ZNF438: variants seen among roughly 807,000 people sequenced by gnomAD.
ZNF438 encodes zinc finger protein 438.
ZNF438 carries 25 observed loss-of-function variants against 38.0 expected under a neutral mutation model. The observed-to-expected ratio is 0.66, with a 90% CI of 0.48 to 0.92. The LOEUF is 0.92. Ranked by LOEUF, ZNF438 falls within the 40% of genes least tolerant of loss-of-function variation. ZNF438 has a pLI of 0.00. For synonymous variants in ZNF438, 372 were observed against 364.1 expected (o/e 1.02, Z -0.25); for missense variants, 1,007 against 999.6 (o/e 1.01, Z -0.10).
chr10:30,911,588 T>C (rs972231582), intron 2 of ZNF438, among the ~76,000 whole-genome samples: 1 of 152,026 alleles, frequency 6.6e-6, no homozygotes, highest in Admixed American at 6.6e-5. Context: ...TCCTACAAAT[T>C]CTCATCTCCT....
At chr10:30,956,513 C>G (rs1288055892) in intron 1 of ZNF438, among the ~76,000 whole-genome samples, 1 of 152,164 alleles carries the variant, frequency 6.6e-6, no homozygotes, top group Non-Finnish European at 1.5e-5. Flanking sequence ...ACTTATTCCT[C>G]CTATGTGACT....
At chr10:30,952,921 T>C (rs1170741483) in intron 1 of ZNF438, among the ~76,000 whole-genome samples, 2 of 26,686 alleles carry the variant, frequency 7.5e-5, no homozygotes, top group African/African-American at 3.1e-4. Flanking sequence ...CAAAGGACTA[T>C]AAATCATGCT....
intron 1 of ZNF438, among the ~76,000 whole-genome samples, chr10:30,997,470 C>T (rs1244650053): frequency 6.6e-6 from 1 of 151,974 alleles, no homozygotes; most frequent in African/African-American, 2.4e-5. Flanking sequence ...TTCTAAGAGG[C>T]AGAAAGGAAT....
chr10:30,953,861 A>G (rs1312123916), intron 1 of ZNF438, among the ~76,000 whole-genome samples: 1 of 152,170 alleles, frequency 6.6e-6, no homozygotes, highest in African/African-American at 2.4e-5. Flanking sequence ...AAGACAAAAT[A>G]GGCCGGGCAC....
chr10:30,967,142 C>T (rs2050208892), intron 1 of ZNF438, among the ~76,000 whole-genome samples: 1 of 152,180 alleles, frequency 6.6e-6, no homozygotes, highest in Non-Finnish European at 1.5e-5. Context: ...GCTGCTGACC[C>T]ATTCTTATGC....
rs1403813814 is a variant in ZNF438, at chr10:30,971,863, C to T, written c.-191-30212G>A. Among the ~76,000 whole-genome samples the T allele has an allele frequency of 5.9e-5, 9 of 152,200 alleles. No homozygotes were observed. The East Asian group carries it at 1.7e-3, about 29-fold the overall frequency. On this transcript the variant is annotated intron_variant, in intron 1 of 5. Transcript: ENST00000413025. ...AGGTGCAAAGAGGCTTTCAAAGTCT[C>T]GGAAGCCATAAATCAAAACAGTTTC...
At chr10:30,868,497 G>A (rs2036851720) in intron 4 of ZNF438, among the ~76,000 whole-genome samples, 3 of 151,898 alleles carry the variant, frequency 2.0e-5, no homozygotes, top group Admixed American at 2.0e-4. Context: ...AATGTTTTTA[G>A]GATTTTGTTG....
At chr10:30,856,678 A>ACTACC (rs966406558) in intron 4 of ZNF438, among the ~76,000 whole-genome samples, 2 of 152,220 alleles carry the variant, frequency 1.3e-5, no homozygotes, top group Non-Finnish European at 2.9e-5. Flanking sequence ...ATCCTGCACA[A>ACTACC]CTACCCGTAA....
intron 3 of ZNF438, among the ~76,000 whole-genome samples, chr10:30,879,852 T>C (rs1196861429): frequency 6.6e-6 from 1 of 151,870 alleles, no homozygotes; most frequent in East Asian, 1.9e-4. Flanking sequence ...TTTAAGAAGA[T>C]TAACATACCA....
exon 1 of ZNF438, chr10:31,031,839 C>T (rs540209585): frequency 3.3e-5 from 5 of 152,762 alleles, no homozygotes; most frequent in African/African-American, 1.2e-4. Flanking sequence ...TTACAGTTTT[C>T]CTACAGCGTG....
chr10:30,974,092 T>C (rs1203266250), intron 1 of ZNF438, among the ~76,000 whole-genome samples: 2 of 152,200 alleles, frequency 1.3e-5, no homozygotes, highest in African/African-American at 4.8e-5. Flanking sequence ...ACCCTCAATT[T>C]TGAGACACAC....
At position 30,863,747 on chromosome 10, in the gene ZNF438, C is replaced by T. The variant is rs114911329; in HGVS notation, c.37+13251G>A. 8.9e-3 allele frequency among the ~76,000 whole-genome samples: 1,357 copies of T among 152,272 alleles called. 21 individuals are homozygous for T. Among genetic ancestry groups the T allele is most frequent in the African/African-American group, 0.03 (1,256 of 41,540 alleles). On this transcript the variant is annotated intron_variant, in intron 4 of 5. Transcript: ENST00000413025. Reference sequence around the variant, plus strand: ...TAGATCCTCCCATTCCAGAGCCGGCCTCCTGGCTGAGCATCCACACGCACT... The same window carrying T: ...TAGATCCTCCCATTCCAGAGCCGGCTTCCTGGCTGAGCATCCACACGCACT...
intron 1 of ZNF438, among the ~76,000 whole-genome samples, chr10:31,021,837 T>C (rs892298883): frequency 6.6e-6 from 1 of 152,188 alleles, no homozygotes; most frequent in South Asian, 2.1e-4. Context: ...AGGAACATCA[T>C]TGGCCTGCCA....
intron 1 of ZNF438, among the ~76,000 whole-genome samples, chr10:31,009,083 G>A (rs560252488): frequency 2.6e-4 from 39 of 152,276 alleles, no homozygotes; most frequent in African/African-American, 7.9e-4. Context: ...ATTTAGATCC[G>A]TTGCCCATTT....
chr10:30,878,974 G>A (rs2038855365), intron 3 of ZNF438, among the ~76,000 whole-genome samples: 1 of 152,152 alleles, frequency 6.6e-6, no homozygotes, highest in African/African-American at 2.4e-5. Context: ...ATTGCAATGA[G>A]CCCTATTGAA....
At chr10:30,979,169 C>CACCTAGTCACCCAACAGCTCTA (rs1169184103) in intron 1 of ZNF438, among the ~76,000 whole-genome samples, 1 of 152,190 alleles carries the variant, frequency 6.6e-6, no homozygotes, top group Non-Finnish European at 1.5e-5. Flanking sequence ...AATGAAAATG[C>CACCTAGTCACCCAACAGCTCTA]ACCTAGTCAC....
chr10:30,949,374 T>G (rs968703283), intron 1 of ZNF438, among the ~76,000 whole-genome samples: 1 of 152,154 alleles, frequency 6.6e-6, no homozygotes, highest in African/African-American at 2.4e-5. Context: ...AACATCATCA[T>G]GACAGGATCA....
intron 1 of ZNF438, among the ~76,000 whole-genome samples, chr10:30,945,291 T>C (rs946406967): frequency 6.6e-5 from 10 of 151,986 alleles, no homozygotes; most frequent in African/African-American, 2.4e-4. Flanking sequence ...GCTAGTATTA[T>C]CTCATGTTTT....
At chr10:30,968,018 T>TCA (rs1034958471) in intron 1 of ZNF438, among the ~76,000 whole-genome samples, 1 of 151,952 alleles carries the variant, frequency 6.6e-6, no homozygotes, top group Admixed American at 6.6e-5. Context: ...AAAAGACATT[T>TCA]TATATATATA....
Sources: allele counts gnomAD v4.1 joint callset (sites outside exome capture counted in the v4.1 genomes callset), GRCh38; gene constraint gnomAD v4.1.1; transcripts MANE v1.5; gene names NCBI Gene and HGNC (gene_info 2026-07-23, HGNC 2026-07-21).